Variants in EIF2S3 observed in about 807,000 individuals in gnomAD.
EIF2S3 encodes the protein eukaryotic translation initiation factor 2 subunit gamma.
In EIF2S3, 2 loss-of-function variants were observed where a neutral mutation model predicts 31.7. The ratio of observed to expected loss-of-function variants is 0.06; its 90% CI spans 0.03 to 0.20. The LOEUF is 0.20. EIF2S3 is among the 10% of genes least tolerant of loss of function. EIF2S3 has a pLI of 1.00. For missense variants in EIF2S3, 96 were observed against 359.3 expected (o/e 0.27, Z 5.92); for synonymous variants, 120 against 126.7 (o/e 0.95, Z 0.36).
intron 4 of EIF2S3, 92 bp downstream of exon 4, chrX:24,057,846 C>G: frequency 1.0e-6 from 1 of 960,234 alleles, no homozygotes; most frequent in Non-Finnish European, 1.4e-6. Flanking sequence ...AACGGTGAAC[C>G]TAATGGCTAA....
intron 2 of EIF2S3, 131 bp downstream of exon 2, chrX:24,055,809 C>T: frequency 1.6e-6 from 1 of 638,585 alleles, no homozygotes; most frequent in Admixed American, 3.2e-5. Flanking sequence ...GTGAATAAAG[C>T]ATCTGCTACA....
Position 24,077,156 on chromosome X carries a change from C to G in EIF2S3, c.*371C>G. ...GCAGTGGCGTGATCTGCAACCTCTG[C>G]CCCCCGGGTTCAAGCGATTCTCCTG... On this transcript the variant is annotated 3_prime_UTR_variant, in exon 12 of 12. Coordinates refer to ENST00000253039, the MANE Select transcript of EIF2S3 (RefSeq NM_001415.4). The G allele has an allele frequency of 8.1e-6, 1 of 122,787 alleles. No homozygotes were observed. Among genetic ancestry groups the G allele is most frequent in the Non-Finnish European group, 1.7e-5 (1 of 60,391 alleles). 10.1% of individuals were successfully genotyped at this position (122,787 alleles called of 1,213,427 possible).
intron 10 of EIF2S3, among the ~76,000 whole-genome samples, 168 bp downstream of exon 10, chrX:24,071,895 A>G (rs976434783): frequency 9.3e-6 from 1 of 107,954 alleles, no homozygotes; most frequent in African/African-American, 3.4e-5. Context: ...TAATTTAGAG[A>G]TGGAGTCTCT....
rs1163297275 is a variant in EIF2S3 at position 24,078,023 on chromosome X, G to T, written c.*1238G>T. The T allele has an allele frequency of 9.1e-6, 1 of 109,728 alleles. No homozygotes were observed. Among genetic ancestry groups the T allele is most frequent in the Non-Finnish European group, 1.9e-5 (1 of 52,622 alleles). 9.0% of individuals were successfully genotyped at this position (109,728 alleles called of 1,213,427 possible). On this transcript the variant is annotated 3_prime_UTR_variant, in exon 12 of 12. Transcript: ENST00000253039. The stretch of plus-strand genomic sequence containing the variant: ...TATTCCCCATGTCCCTATACTTCGT[G>T]TGCTTTTCCTTTTTTTTTTTGAGAC...
intron 8 of EIF2S3, 44 bp downstream of exon 8, chrX:24,066,136 T>G (rs1930568769): frequency 2.1e-6 from 2 of 932,138 alleles, no homozygotes; most frequent in South Asian, 5.4e-5. Flanking sequence ...TTTTTTTTTT[T>G]GTTGTTTGTT....
At chrX:24,072,999 T>C (rs1285339412) in intron 10 of EIF2S3, 92 bp from the exon 11 acceptor site, 1 of 964,012 alleles carries the variant, frequency 1.0e-6, no homozygotes, top group Non-Finnish European at 1.4e-6. Context: ...ATGATTGACA[T>C]ATTTCCCAAT....
chrX:24,064,459 A>G, intron 7 of EIF2S3, 124 bp downstream of exon 7: 1 of 901,117 alleles, frequency 1.1e-6, no homozygotes, highest in Non-Finnish European at 1.5e-6. Flanking sequence ...ATTTTTTTGA[A>G]ATCAATTCTG....
intron 9 of EIF2S3, among the ~76,000 whole-genome samples, chrX:24,069,321 G>A (rs1424115679): frequency 9.9e-6 from 1 of 101,010 alleles, no homozygotes; most frequent in Non-Finnish European, 2.0e-5. Context: ...GGCGGAGGGT[G>A]AGCCGAGATC....
At chrX:24,055,557 C>G (rs1930389471) in intron 1 of EIF2S3, 58 bp from the exon 2 acceptor site, 1 of 1,141,762 alleles carries the variant, frequency 8.8e-7, no homozygotes, top group Non-Finnish European at 1.2e-6. Context: ...AACGTAAAGT[C>G]AAAGGAAAAG....
At chrX:24,055,555 G>C in intron 1 of EIF2S3, 60 bp from the exon 2 acceptor site, 1 of 1,135,497 alleles carries the variant, frequency 8.8e-7, no homozygotes, top group Non-Finnish European at 1.2e-6. Context: ...CAAACGTAAA[G>C]TCAAAGGAAA....
In EIF2S3 at chrX:24,077,701, T is replaced by C. The variant is rs1930777291; in HGVS notation, c.*916T>C. ...TTTTCTCCCCTTGCTCTTCCTGGCCTGAAACACGGGAAACCAGAGTCAAAA... is the reference window on the plus strand; with the variant it reads ...TTTTCTCCCCTTGCTCTTCCTGGCCCGAAACACGGGAAACCAGAGTCAAAA... On this transcript the variant is annotated 3_prime_UTR_variant, in exon 12 of 12. Coordinates refer to ENST00000253039, the MANE Select transcript of EIF2S3 (RefSeq NM_001415.4). 1 of 111,843 alleles carries C rather than the reference T, an allele frequency of 8.9e-6. No individual in the cohort carries two copies. The highest frequency in any genetic ancestry group is 3.7e-4 in the South Asian group (1 of 2,708). 9.2% of individuals were successfully genotyped at this position (111,843 alleles called of 1,213,427 possible).
chrX:24,057,302 T>A, intron 2 of EIF2S3, 119 bp from the exon 3 acceptor site: 1 of 926,052 alleles, frequency 1.1e-6, no homozygotes, highest in Non-Finnish European at 1.5e-6. Context: ...GTGCTGGGAT[T>A]ACTGGCGTGA....
At chrX:24,073,642 G>A (rs1158519184) in intron 11 of EIF2S3, 3 of 119,841 alleles carry the variant, frequency 2.5e-5, no homozygotes, top group African/African-American at 6.4e-5. Context: ...GCAGTGAGCC[G>A]AGATGGCGCC....
At chrX:24,060,548 ATT>A (rs1040200150) in intron 5 of EIF2S3, 4 of 191,627 alleles carry the variant, frequency 2.1e-5, no homozygotes, top group African/African-American at 1.2e-4. Context: ...CTGTGGAAGT[ATT>A]TAAGATACAA....
chrX:24,075,357 AT>A (rs1447043079), intron 11 of EIF2S3, among the ~76,000 whole-genome samples: 1 of 110,645 alleles, frequency 9.0e-6, no homozygotes, highest in Non-Finnish European at 1.9e-5. Flanking sequence ...GCCAGGAAGC[AT>A]ACACACATTT....
chrX:24,055,717 A>G (rs1325336445), intron 2 of EIF2S3, 39 bp downstream of exon 2: 4 of 1,146,043 alleles, frequency 3.5e-6, no homozygotes, highest in Non-Finnish European at 4.8e-6. Context: ...GGTCTCCAAC[A>G]ATTAATTTTA....
intron 7 of EIF2S3, among the ~76,000 whole-genome samples, chrX:24,064,822 T>C (rs1429708112): frequency 3.6e-5 from 4 of 111,538 alleles, no homozygotes; most frequent in Non-Finnish European, 7.5e-5. Context: ...AGAGTGAAAC[T>C]GCGTCTCAAA....
intron 5 of EIF2S3, among the ~76,000 whole-genome samples, chrX:24,061,145 T>C (rs1384674388): frequency 1.9e-5 from 2 of 104,953 alleles, no homozygotes; most frequent in Admixed American, 1.1e-4. Flanking sequence ...TAATCCCAGC[T>C]ACTTGGGAGG....
Position 24,060,202 on chromosome X carries a change from T to C in EIF2S3, c.478+20T>C. On this transcript the variant is annotated intron_variant, in intron 5 of 11. Coordinates refer to ENST00000253039, the MANE Select transcript of EIF2S3 (RefSeq NM_001415.4). ...TGATAGGTAAATACCTCACAATTGG[T>C]TTGGACAAATCAATGTGGAACAAAT... is the stretch of plus-strand genomic sequence containing the variant. 4 of 1,154,891 alleles carry C rather than the reference T, an allele frequency of 3.5e-6. No individual in the cohort carries two copies. Among genetic ancestry groups the C allele is most frequent in the Non-Finnish European group, 3.6e-6 (3 of 843,908 alleles).
Sources: gnomAD v4.1 joint callset for allele counts (sites outside exome capture counted in the v4.1 genomes callset) on GRCh38, gnomAD v4.1.1 for gene constraint, MANE v1.5 for transcripts, NCBI Gene and HGNC (gene_info 2026-07-23, HGNC 2026-07-21) for gene names.